The following RNF170 variants were observed in gnomAD, a reference collection of about 807,000 sequenced individuals.
RNF170 encodes the protein ring finger protein 170, also known as E3 ubiquitin-protein ligase RNF170.
Under a neutral mutation model 32.7 loss-of-function variants are expected in RNF170, and 12 were observed. The ratio of observed to expected loss-of-function variants is 0.37; its 90% CI spans 0.24 to 0.60. RNF170 has a LOEUF of 0.60. RNF170 is among the 20% of genes least tolerant of loss of function. The pLI, the probability that RNF170 is intolerant of heterozygous loss-of-function variation, is 0.72. For synonymous variants in RNF170, 91 were observed against 103.6 expected, an observed-to-expected ratio of 0.88 and a Z score of 0.74; for missense variants, 212 against 311.2, an observed-to-expected ratio of 0.68 and a Z score of 2.40.
chr8:42,865,380 T>C (rs1804008021), intron 5 of RNF170, 36 bp downstream of exon 5: 1 of 1,475,400 alleles, frequency 6.8e-7, no homozygotes, highest in South Asian at 1.1e-5. Context: ...CAAAATAAAC[T>C]AGCATAAATG....
intron 6 of RNF170, among the ~76,000 whole-genome samples, chr8:42,859,608 G>A (rs185453674): frequency 6.6e-6 from 1 of 152,028 alleles, no homozygotes; most frequent in African/African-American, 2.4e-5. Flanking sequence ...GCCTGGGAAA[G>A]AGTGAGAATC....
At chr8:42,886,514 C>T (rs1805840223) in intron 2 of RNF170, among the ~76,000 whole-genome samples, 1 of 152,082 alleles carries the variant, frequency 6.6e-6, no homozygotes, top group Non-Finnish European at 1.5e-5. Flanking sequence ...CAACCTCTGC[C>T]TCCCAAGTTC....
chr8:42,853,260 C>G, downstream of RNF170: 2 of 1,047,082 alleles, frequency 1.9e-6, no homozygotes, highest in South Asian at 3.7e-5. Flanking sequence ...GTTCTGAAAG[C>G]AAACAACTGT....
Position 42,855,795 on chromosome 8 carries a change from G to A in RNF170, c.*364C>T, listed in dbSNP as rs966924039. On this transcript the variant is annotated 3_prime_UTR_variant, in exon 7 of 7. Coordinates refer to ENST00000527424, the MANE Select transcript of RNF170 (RefSeq NM_030954.4). ...TATAGGTACCTGCTGAGAAGGATAAGATGGATAAACTGACATTTAACAATA... is the reference window on the plus strand; with the variant it reads ...TATAGGTACCTGCTGAGAAGGATAAAATGGATAAACTGACATTTAACAATA... 293 of 1,247,208 alleles carry A rather than the reference G, an allele frequency of 2.3e-4. 1 individual carries two copies. The highest frequency in any genetic ancestry group is 2.9e-4 in the Non-Finnish European group (277 of 956,726). 77.3% of individuals were successfully genotyped at this position (1,247,208 alleles called of 1,614,324 possible).
At chr8:42,868,862 A>G (rs1164828228) in intron 4 of RNF170, among the ~76,000 whole-genome samples, 3 of 151,890 alleles carry the variant, frequency 2.0e-5, no homozygotes, top group African/African-American at 7.3e-5. Flanking sequence ...AAAAAAAAAA[A>G]AAAAAAAATT....
rs79158421 is a variant in RNF170 at position 42,863,980 on chromosome 8, A to T, written c.396+1436T>A. 3.2e-3 allele frequency among the ~76,000 whole-genome samples: 447 copies of T among 139,566 alleles called. 2 individuals are homozygous for T. The highest frequency in any genetic ancestry group is 4.2e-3 in the South Asian group (18 of 4,258). The allele number at this position is 139,566 out of a possible 152,430, so 91.6% of individuals were successfully genotyped here. A position where few individuals can be genotyped will look rare whatever the true frequency, so the allele number is the denominator to read the frequency against. On this transcript the variant is annotated intron_variant, in intron 5 of 6. Coordinates refer to ENST00000527424, the MANE Select transcript of RNF170 (RefSeq NM_030954.4). ...AAGGCTGAAGGAGAGAGAGAGAGAG[A>T]GTGTGTGTGTGTGTGTGTGTGTGTG... is the stretch of plus-strand genomic sequence containing the variant.
chr8:42,893,531 A>G (rs2130222277), intron 1 of RNF170, among the ~76,000 whole-genome samples: 1 of 152,308 alleles, frequency 6.6e-6, no homozygotes, highest in African/African-American at 2.4e-5. Flanking sequence ...AGGTTGAACC[A>G]TATCAAACTG....
At chr8:42,875,192 A>G (rs1294382117) in intron 2 of RNF170, among the ~76,000 whole-genome samples, 1 of 150,742 alleles carries the variant, frequency 6.6e-6, no homozygotes, top group Non-Finnish European at 1.5e-5. Flanking sequence ...AAAAAGAAAG[A>G]TGTGTTGGTC....
In RNF170 at chr8:42,896,561, C is replaced by A. The variant is rs1044670849; in HGVS notation, c.-85G>T. 4 of 453,848 alleles carry A rather than the reference C, an allele frequency of 8.8e-6. No homozygotes were observed. Among genetic ancestry groups the A allele is most frequent in the African/African-American group, 6.0e-5 (3 of 49,998 alleles). 28.1% of individuals were successfully genotyped at this position (453,848 alleles called of 1,614,324 possible). ...TATTTCCAGGACCGCTCCCGCCACC[C>A]CTCCCGGGCAACCCACTAGACGTCC... On this transcript the variant is annotated 5_prime_UTR_variant, in exon 1 of 7. Transcript: ENST00000527424.
downstream of RNF170, chr8:42,850,326 T>G (rs569916741): frequency 1.7e-4 from 35 of 200,690 alleles, no homozygotes; most frequent in Non-Finnish European, 3.0e-4. Context: ...GAGTCACACT[T>G]GAGATGATCA....
At chr8:42,879,106 T>C (rs1298263951) in intron 2 of RNF170, among the ~76,000 whole-genome samples, 1 of 152,210 alleles carries the variant, frequency 6.6e-6, no homozygotes, top group Non-Finnish European at 1.5e-5. Context: ...AAAATATCAC[T>C]GCTCATTGAT....
intron 1 of RNF170, among the ~76,000 whole-genome samples, chr8:42,890,340 C>T (rs190292201): frequency 1.2e-3 from 178 of 150,872 alleles, no homozygotes; most frequent in African/African-American, 4.1e-3. Flanking sequence ...TGCAGCAACG[C>T]GATCTCGGCT....
intron 2 of RNF170, chr8:42,881,499 T>A (rs946570536): frequency 1.9e-4 from 29 of 152,158 alleles, no homozygotes; most frequent in African/African-American, 6.8e-4. Context: ...TCAACCTACA[T>A]GACCATCAAT....
chr8:42,867,260 T>C (rs948594806), intron 4 of RNF170, among the ~76,000 whole-genome samples: 3 of 146,210 alleles, frequency 2.1e-5, no homozygotes, highest in Admixed American at 6.9e-5. Context: ...TCACCTGAGG[T>C]TGGGAGTTCG....
chr8:42,894,171 A>T (rs771425487), intron 1 of RNF170, among the ~76,000 whole-genome samples: 27 of 152,354 alleles, frequency 1.8e-4, no homozygotes, highest in Non-Finnish European at 3.7e-4. Flanking sequence ...AGGTAACTGG[A>T]ATTACAAAAT....
rs540416187 is a variant in RNF170, at chr8:42,853,872, C to T, written c.*2287G>A. ...TTATGTTACAAAATTTGGTACAATACACCTCTTTCAGGAAAGTCTTAGTAG... is the reference window on the plus strand; with the variant it reads ...TTATGTTACAAAATTTGGTACAATATACCTCTTTCAGGAAAGTCTTAGTAG... On this transcript the variant is annotated 3_prime_UTR_variant, in exon 7 of 7. Coordinates refer to ENST00000527424, the MANE Select transcript of RNF170 (RefSeq NM_030954.4). The T allele has an allele frequency of 3.9e-6, 5 of 1,286,578 alleles. 1 individual carries two copies. The highest frequency in any genetic ancestry group is 4.6e-5 in the Admixed American group (2 of 43,534). The allele number at this position is 1,286,578 out of a possible 1,614,324, so 79.7% of individuals were successfully genotyped here.
chr8:42,859,146 C>T (rs372210513), intron 6 of RNF170, among the ~76,000 whole-genome samples: 5 of 151,842 alleles, frequency 3.3e-5, no homozygotes, highest in East Asian at 1.9e-4. Flanking sequence ...ATTGCACCAC[C>T]GCACTCGAGC....
intron 4 of RNF170, among the ~76,000 whole-genome samples, chr8:42,869,098 C>T (rs1011786428): frequency 1.3e-5 from 2 of 151,880 alleles, no homozygotes; most frequent in African/African-American, 2.4e-5. Context: ...TTTGTGGAGA[C>T]AGGGTCTCCT....
chr8:42,854,296 GTCTA>G lies in RNF170; in HGVS notation c.*1859_*1862del, dbSNP rs1158482863. On this transcript the variant is annotated 3_prime_UTR_variant, in exon 7 of 7. Transcript: ENST00000527424. ...TGCTGTTCCTCTTAACAACTTTCAC[GTCTA>G]TCTAAACATTCTATGCAGGAGTCCT... 2 of 1,286,994 alleles carry G rather than the reference GTCTA, an allele frequency of 1.6e-6. No homozygotes were observed. The highest frequency in any genetic ancestry group is 2.0e-6 in the Non-Finnish European group (2 of 988,680). The allele number at this position is 1,286,994 out of a possible 1,614,324, so 79.7% of individuals were successfully genotyped here.
Sources: allele counts gnomAD v4.1 joint callset (sites outside exome capture counted in the v4.1 genomes callset), GRCh38; gene constraint gnomAD v4.1.1; transcripts MANE v1.5; gene names NCBI Gene and HGNC (gene_info 2026-07-23, HGNC 2026-07-21).